WDPCP: variants seen among roughly 807,000 people sequenced by gnomAD.
WDPCP encodes the protein WD repeat containing planar cell polarity effector.
In WDPCP, 71 loss-of-function variants were observed where a neutral mutation model predicts 93.1. The ratio of observed to expected loss-of-function variants is 0.76; its 90% CI spans 0.63 to 0.93. The LOEUF is 0.93. WDPCP is among the 40% of genes least tolerant of loss of function. The pLI, the probability that WDPCP is intolerant of heterozygous loss-of-function variation, is 0.00. For synonymous variants in WDPCP, 315 were observed against 315.0 expected, an observed-to-expected ratio of 1.00 and a Z score of 0.00; for missense variants, 844 against 887.4, an observed-to-expected ratio of 0.95 and a Z score of 0.62.
chr2:63,399,990 CT>C (rs1694022071), intron 10 of WDPCP, among the ~76,000 whole-genome samples: 1 of 152,084 alleles, frequency 6.6e-6, no homozygotes, highest in Non-Finnish European at 1.5e-5. Context: ...AAATTGAAAG[CT>C]ATTTAACAAA....
At chr2:63,690,733 C>T (rs1263535548) in intron 2 of WDPCP, among the ~76,000 whole-genome samples, 3 of 152,038 alleles carry the variant, frequency 2.0e-5, no homozygotes, top group Non-Finnish European at 4.4e-5. Flanking sequence ...CAGAGTGAGA[C>T]CCTGTCTCGA....
At chr2:63,304,457 G>A (rs545765613) in intron 13 of WDPCP, among the ~76,000 whole-genome samples, 8 of 152,282 alleles carry the variant, frequency 5.3e-5, no homozygotes, top group South Asian at 2.1e-4. Flanking sequence ...GTGGGGCATC[G>A]CCTCACATGG....
chr2:63,603,696 C>T lies in WDPCP; in HGVS notation n.488+46963G>A, dbSNP rs536366556. ...TTTTTTTGAGACAGTCTCGCTGCAT[C>T]GCCCATGCTGGAGTGCAGTGGTGCG... On this transcript the variant is annotated intron_variant and non_coding_transcript_variant, in intron 3 of 4. Transcript: ENST00000467687. 6.5e-5 allele frequency among the ~76,000 whole-genome samples: 9 copies of T among 138,990 alleles called. No individual in the cohort carries two copies. In the South Asian group the frequency reaches 1.4e-3, roughly 21 times the overall value. 91.2% of individuals were successfully genotyped at this position (138,990 alleles called of 152,430 possible).
intron 2 of WDPCP, among the ~76,000 whole-genome samples, chr2:63,744,080 A>G (rs753926176): frequency 3.3e-5 from 5 of 152,090 alleles, no homozygotes; most frequent in African/African-American, 7.2e-5. Context: ...AGAGGGAGTT[A>G]TTTCTCATTT....
At chr2:63,578,995 A>C (rs1045672766) in intron 1 of WDPCP, among the ~76,000 whole-genome samples, 2 of 152,134 alleles carry the variant, frequency 1.3e-5, no homozygotes, top group African/African-American at 4.8e-5. Context: ...TTTGTCTCTT[A>C]TTATCATGCA....
intron 1 of WDPCP, chr2:63,571,523 C>G (rs1421229489): frequency 2.1e-6 from 1 of 470,158 alleles, no homozygotes; most frequent in African/African-American, 2.0e-5. Flanking sequence ...CTCCCTCTTT[C>G]CAAGTATAGA....
At chr2:63,639,888 A>G (rs1384325644) in intron 3 of WDPCP, among the ~76,000 whole-genome samples, 1 of 152,254 alleles carries the variant, frequency 6.6e-6, no homozygotes. Flanking sequence ...TATGGAAAAC[A>G]TTATGGAAAC....
intron 14 of WDPCP, among the ~76,000 whole-genome samples, chr2:63,189,695 C>A (rs752317219): frequency 1.8e-4 from 28 of 152,224 alleles, no homozygotes; most frequent in Non-Finnish European, 3.8e-4. Flanking sequence ...TATTGAATTT[C>A]TTTTTATATT....
intron 6 of WDPCP, among the ~76,000 whole-genome samples, chr2:63,445,969 G>A (rs1002258179): frequency 6.6e-6 from 1 of 152,124 alleles, no homozygotes. Context: ...GAAAGGTAAA[G>A]CAATTAATCA....
intron 3 of WDPCP, among the ~76,000 whole-genome samples, chr2:63,615,079 G>A (rs1709657773): frequency 6.6e-6 from 1 of 152,198 alleles, no homozygotes; most frequent in South Asian, 2.1e-4. Context: ...AGGGCAAAGA[G>A]TTCTCGGCAG....
chr2:63,229,836 G>C (rs1416987493), intron 14 of WDPCP: 1 of 154,614 alleles, frequency 6.5e-6, no homozygotes. Flanking sequence ...GGTTACTGTA[G>C]CCTTGTAGTG....
chr2:63,298,286 T>C (rs1685031669), intron 13 of WDPCP, among the ~76,000 whole-genome samples: 1 of 151,984 alleles, frequency 6.6e-6, no homozygotes, highest in African/African-American at 2.4e-5. Context: ...TCGGTTACAT[T>C]GCTGTGGGGA....
intron 3 of WDPCP, among the ~76,000 whole-genome samples, chr2:63,624,689 T>C (rs1287617868): frequency 5.3e-5 from 8 of 152,280 alleles, no homozygotes; most frequent in African/African-American, 1.9e-4. Context: ...CAGGAATTAA[T>C]AGCTTACCAA....
chr2:63,696,383 A>G (rs1264768414), intron 2 of WDPCP, among the ~76,000 whole-genome samples: 1 of 152,084 alleles, frequency 6.6e-6, no homozygotes. Flanking sequence ...AAGCCATGAA[A>G]TTTTTCTGTC....
chr2:63,831,069 G>A (rs1053925709), upstream of WDPCP, among the ~76,000 whole-genome samples: 3 of 152,036 alleles, frequency 2.0e-5, no homozygotes, highest in African/African-American at 7.2e-5. Context: ...TGGTCCCATG[G>A]TTAACTGTTC....
intron 14 of WDPCP, among the ~76,000 whole-genome samples, chr2:63,179,642 A>G (rs1161105990): frequency 6.6e-6 from 1 of 151,982 alleles, no homozygotes; most frequent in Non-Finnish European, 1.5e-5. Flanking sequence ...TTTATGAATT[A>G]CCCAGTCTGG....
intron 14 of WDPCP, among the ~76,000 whole-genome samples, chr2:63,187,604 T>G (rs1674732060): frequency 6.6e-6 from 1 of 152,240 alleles, no homozygotes; most frequent in African/African-American, 2.4e-5. Context: ...AAATTCTCCT[T>G]TACAGCTGCC....
chr2:63,575,386 C>CAGTATATAT lies in WDPCP; in HGVS notation c.75+12810_75+12811insATATATACT, dbSNP rs1558831532. Among the ~76,000 whole-genome samples the CAGTATATAT allele has an allele frequency of 1.8e-3, 200 of 108,482 alleles. 10 individuals carry two copies. Among genetic ancestry groups the CAGTATATAT allele is most frequent in the Non-Finnish European group, 2.9e-3 (145 of 50,166 alleles). The allele number at this position is 108,482 out of a possible 152,430, so 71.2% of individuals were successfully genotyped here. A position where few individuals can be genotyped will look rare whatever the true frequency, so the allele number is the denominator to read the frequency against. ...GTATATACAGTATATACAGTATATA[C>CAGTATATAT]ACGGTATATACAGTATATATACAGT... On this transcript the variant is annotated intron_variant, in intron 1 of 17. Coordinates refer to ENST00000272321, the MANE Select transcript of WDPCP (RefSeq NM_015910.7).
chr2:63,594,537 AT>A (rs761105284), intron 3 of WDPCP: 5 of 1,613,958 alleles, frequency 3.1e-6, no homozygotes, highest in Non-Finnish European at 4.2e-6. Context: ...CAAATTGCAT[AT>A]TCACTGCTGT....
Sources: allele counts gnomAD v4.1 joint callset (sites outside exome capture counted in the v4.1 genomes callset), GRCh38; gene constraint gnomAD v4.1.1; transcripts MANE v1.5; gene names NCBI Gene and HGNC (gene_info 2026-07-23, HGNC 2026-07-21).